The following PDE11A variants were observed in gnomAD, a reference collection of about 807,000 sequenced individuals.
PDE11A encodes dual 3',5'-cyclic-AMP and -GMP phosphodiesterase 11A.
In PDE11A, 100 loss-of-function variants were observed where a neutral mutation model predicts 100.5. The observed-to-expected ratio is 1.00, with a 90% CI of 0.85 to 1.18. The LOEUF is 1.18. Among genes scored for constraint, PDE11A ranks in the 50% most tolerant of loss-of-function variants. The pLI, the probability that PDE11A is intolerant of heterozygous loss-of-function variation, is 0.00. For synonymous variants in PDE11A, 381 were observed against 420.8 expected (o/e 0.91, Z 1.16); for missense variants, 1,141 against 1,152.6 (o/e 0.99, Z 0.15).
intron 19 of PDE11A, among the ~76,000 whole-genome samples, chr2:177,652,854 T>G (rs2080330567): frequency 6.6e-6 from 1 of 152,256 alleles, no homozygotes; most frequent in Non-Finnish European, 1.5e-5. Flanking sequence ...CTTTACTGTA[T>G]GCTCTGAATT....
At chr2:178,007,959 G>A (rs2086231876) in intron 2 of PDE11A, among the ~76,000 whole-genome samples, 2 of 152,010 alleles carry the variant, frequency 1.3e-5, no homozygotes, top group Admixed American at 6.6e-5. Context: ...GCCTGCCTCG[G>A]CCTCCTAAAG....
intron 5 of PDE11A, among the ~76,000 whole-genome samples, chr2:177,843,795 T>C (rs1172537636): frequency 6.6e-6 from 1 of 152,162 alleles, no homozygotes; most frequent in Non-Finnish European, 1.5e-5. Flanking sequence ...AAAAATTAAA[T>C]GCCCACTTCA....
intron 2 of PDE11A, among the ~76,000 whole-genome samples, chr2:177,913,788 C>T (rs1295870544): frequency 6.6e-6 from 1 of 152,094 alleles, no homozygotes; most frequent in Non-Finnish European, 1.5e-5. Flanking sequence ...CTAGACATTG[C>T]CATTGTTTCT....
At chr2:177,789,787 C>A (rs961225608) in intron 9 of PDE11A, among the ~76,000 whole-genome samples, 6 of 152,094 alleles carry the variant, frequency 3.9e-5, no homozygotes, top group African/African-American at 1.2e-4. Flanking sequence ...CTCCCATTCA[C>A]AGCTGCTTCA....
intron 10 of PDE11A, among the ~76,000 whole-genome samples, chr2:177,741,130 G>C (rs2081865712): frequency 6.6e-6 from 1 of 152,190 alleles, no homozygotes; most frequent in Admixed American, 6.5e-5. Flanking sequence ...ACCACAAATT[G>C]GGTGGCTTAG....
chr2:177,945,317 C>T (rs1176774891), intron 2 of PDE11A, among the ~76,000 whole-genome samples: 37 of 147,700 alleles, frequency 2.5e-4, no homozygotes, highest in African/African-American at 8.6e-4. Context: ...TGCCTGGCTG[C>T]CCAGTCTGGA....
At chr2:177,713,987 C>CTT (rs57211363) in intron 12 of PDE11A, among the ~76,000 whole-genome samples, 1,487 of 77,302 alleles carry the variant, frequency 0.019, 247 homozygotes, top group Middle Eastern at 0.036. Flanking sequence ...TTTCTTTTTT[C>CTT]TTTTTTTTTT....
rs768790032 is a variant in PDE11A at position 178,071,624 on chromosome 2, T to C, written c.814A>G (p.Thr272Ala). ...AGTPLLPCSS[T>A]ENSNEVQVPW... is the part of the protein sequence containing the mutation. Reference sequence around the variant, plus strand: ...ACCTGCACCTCATTTGAGTTCTCTGTGCTGCTGCAAGGCAGCAGAGGTGTT... The same window carrying C: ...ACCTGCACCTCATTTGAGTTCTCTGCGCTGCTGCAAGGCAGCAGAGGTGTT... The change falls in exon 1 of 20, where the codon ACA (threonine) becomes GCA (alanine). Residue 272 changes from threonine to alanine, a missense_variant. By Grantham distance (58) the Thr-to-Ala change is moderately conservative. Coordinates refer to ENST00000286063, the MANE Select transcript of PDE11A (RefSeq NM_016953.4). 1.1e-5 allele frequency: 17 copies of C among 1,613,296 alleles called. No homozygotes were observed. Among genetic ancestry groups the C allele is most frequent in the Non-Finnish European group, 1.4e-5 (17 of 1,179,354 alleles).
chr2:178,029,849 A>G (rs2086522955), intron 1 of PDE11A, among the ~76,000 whole-genome samples: 1 of 152,156 alleles, frequency 6.6e-6, no homozygotes, highest in Non-Finnish European at 1.5e-5. Flanking sequence ...TCATGAATAC[A>G]CTCATACCAT....
At chr2:177,853,680 A>ATATATATGTG (rs2083766252) in intron 5 of PDE11A, among the ~76,000 whole-genome samples, 1 of 36,530 alleles carries the variant, frequency 2.7e-5, no homozygotes, top group Non-Finnish European at 5.2e-5. Flanking sequence ...ATATATATAT[A>ATATATATGTG]TGTGTGTGTG....
intron 1 of PDE11A, among the ~76,000 whole-genome samples, chr2:178,031,957 G>A (rs1006871830): frequency 2.0e-5 from 3 of 152,138 alleles, no homozygotes; most frequent in African/African-American, 7.2e-5. Context: ...AATTAAGGCA[G>A]TGTGATAGTA....
chr2:178,042,308 C>T (rs763534000), intron 1 of PDE11A, among the ~76,000 whole-genome samples: 4 of 151,952 alleles, frequency 2.6e-5, no homozygotes, highest in African/African-American at 4.8e-5. Flanking sequence ...ATTGAGACTC[C>T]GCCTCTACAA....
At chr2:177,723,616 A>G (rs1465884174) in intron 12 of PDE11A, among the ~76,000 whole-genome samples, 2 of 152,146 alleles carry the variant, frequency 1.3e-5, no homozygotes, top group African/African-American at 2.4e-5. Context: ...GCTTTTTTTA[A>G]CTGGACACTG....
intron 13 of PDE11A, among the ~76,000 whole-genome samples, chr2:177,704,611 G>A (rs1407051488): frequency 1.3e-5 from 2 of 152,018 alleles, no homozygotes; most frequent in Admixed American, 6.6e-5. Context: ...GTGAAGATAA[G>A]CTTTATCAAA....
chr2:178,046,043 G>A (rs905757729), intron 1 of PDE11A, among the ~76,000 whole-genome samples: 1 of 152,186 alleles, frequency 6.6e-6, no homozygotes, highest in Admixed American at 6.5e-5. Context: ...ACTTGGGAAA[G>A]TTACTAAACC....
intron 2 of PDE11A, among the ~76,000 whole-genome samples, chr2:177,928,504 C>T (rs10183144): frequency 4.5e-4 from 30 of 66,942 alleles, no homozygotes; most frequent in South Asian, 6.3e-4. Context: ...TCTCTAAATA[C>T]GAGAAAGAGA....
At chr2:177,959,814 T>G (rs1293469345) in intron 2 of PDE11A, among the ~76,000 whole-genome samples, 1 of 152,190 alleles carries the variant, frequency 6.6e-6, no homozygotes, top group Non-Finnish European at 1.5e-5. Context: ...TAAGTATTGG[T>G]GAGAAGGTTA....
At chr2:178,087,857 ACTC>A (rs746905856) in intron 2 of PDE11A, among the ~76,000 whole-genome samples, 5 of 151,634 alleles carry the variant, frequency 3.3e-5, no homozygotes, top group Non-Finnish European at 7.4e-5. Context: ...AAGGTGTCCC[ACTC>A]CTCCTCAATC....
chr2:177,872,273 T>C (rs1186526307), intron 5 of PDE11A, among the ~76,000 whole-genome samples: 1 of 152,226 alleles, frequency 6.6e-6, no homozygotes, highest in Non-Finnish European at 1.5e-5. Context: ...CAACATAAAA[T>C]GCCTTTCTAA....
Sources: allele counts gnomAD v4.1 joint callset (sites outside exome capture counted in the v4.1 genomes callset), GRCh38; gene constraint gnomAD v4.1.1; transcripts MANE v1.5; gene names NCBI Gene and HGNC (gene_info 2026-07-23, HGNC 2026-07-21).